The following RBFOX1 variants were observed in gnomAD, a reference collection of about 807,000 sequenced individuals.
RBFOX1 encodes RNA binding protein fox-1 homolog 1.
A neutral mutation model predicts 57.7 loss-of-function variants in RBFOX1; 8 were observed. That is an observed-to-expected ratio of 0.14 (90% CI 0.08 to 0.25). The LOEUF (loss-of-function observed/expected upper bound fraction) is 0.25. Ranked by LOEUF, RBFOX1 falls within the 10% of genes least tolerant of loss-of-function variation. RBFOX1 has a pLI of 1.00. For missense variants in RBFOX1, 611 were observed against 548.5 expected, an observed-to-expected ratio of 1.11 and a Z score of -1.14; for synonymous variants, 326 against 222.4, an observed-to-expected ratio of 1.47 and a Z score of -4.15.
At chr16:6,156,546 G>T (rs763363421) in intron 1 of RBFOX1, among the ~76,000 whole-genome samples, 1 of 152,146 alleles carries the variant, frequency 6.6e-6, no homozygotes, top group Admixed American at 6.5e-5. Context: ...CTTTCTTTTG[G>T]CAAAGTTGTG....
chr16:5,600,140 A>C (rs1291694809), exon 3 of RBFOX1: 2 of 150,708 alleles, frequency 1.3e-5, no homozygotes, highest in East Asian at 3.9e-4. Flanking sequence ...ATACAAAAAA[A>C]AAAAAAAAAA....
At chr16:5,748,568 A>G (rs2053073092) in intron 3 of RBFOX1, among the ~76,000 whole-genome samples, 1 of 152,122 alleles carries the variant, frequency 6.6e-6, no homozygotes, top group Non-Finnish European at 1.5e-5. Context: ...TATTGGGTGC[A>G]TATATATTTA....
intron 3 of RBFOX1, among the ~76,000 whole-genome samples, chr16:5,728,295 C>T (rs959825126): frequency 1.3e-5 from 2 of 152,198 alleles, no homozygotes; most frequent in Admixed American, 1.3e-4. Flanking sequence ...GAAGGAAATC[C>T]TGCCATTTTC....
At chr16:7,683,603 A>G (rs191247341) in intron 14 of RBFOX1, among the ~76,000 whole-genome samples, 1 of 152,248 alleles carries the variant, frequency 6.6e-6, no homozygotes, top group East Asian at 1.9e-4. Context: ...GCCAGTGACA[A>G]GGCAAGGTGT....
intron 3 of RBFOX1, among the ~76,000 whole-genome samples, chr16:6,836,725 A>G (rs116972011): frequency 3.3e-5 from 5 of 152,162 alleles, no homozygotes; most frequent in African/African-American, 7.2e-5. Context: ...ACAATAACAT[A>G]GTTCTTTGCA....
chr16:6,920,517 G>A (rs983611054), intron 3 of RBFOX1, among the ~76,000 whole-genome samples: 2 of 152,174 alleles, frequency 1.3e-5, no homozygotes, highest in African/African-American at 4.8e-5. Context: ...ATTGCCAAGG[G>A]CTACCATAAC....
intron 3 of RBFOX1, among the ~76,000 whole-genome samples, chr16:6,875,423 A>G (rs34164999): frequency 0.22 from 32,881 of 152,082 alleles, 3,867 homozygotes; most frequent in South Asian, 0.41. Context: ...TTCATTTGCA[A>G]TGTGTGGCTT....
chr16:5,890,418 G>T (rs946958933), intron 4 of RBFOX1, among the ~76,000 whole-genome samples: 1 of 152,138 alleles, frequency 6.6e-6, no homozygotes, highest in Non-Finnish European at 1.5e-5. Context: ...AGAAGTGAAG[G>T]CTGGGCGCAG....
At chr16:5,621,019 A>T (rs7191043) in intron 3 of RBFOX1, among the ~76,000 whole-genome samples, 75,387 of 151,886 alleles carry the variant, frequency 0.5, 22,061 homozygotes, top group Non-Finnish European at 0.67. Flanking sequence ...TTTTTGTATT[A>T]TCAGTAGAGG....
intron 1 of RBFOX1, among the ~76,000 whole-genome samples, chr16:5,376,328 G>T (rs28716269): frequency 1.3e-5 from 2 of 152,242 alleles, no homozygotes; most frequent in East Asian, 3.9e-4. Flanking sequence ...TGTTGTTGCT[G>T]TTATTCCTGC....
intron 4 of RBFOX1, among the ~76,000 whole-genome samples, chr16:7,336,214 A>G (rs1192415339): frequency 1.3e-5 from 2 of 152,198 alleles, no homozygotes; most frequent in Non-Finnish European, 2.9e-5. Flanking sequence ...GCCATGGACC[A>G]TGGCCAAATG....
At chr16:7,382,534 G>A (rs190629752) in intron 4 of RBFOX1, among the ~76,000 whole-genome samples, 4 of 152,180 alleles carry the variant, frequency 2.6e-5, no homozygotes, top group African/African-American at 9.7e-5. Flanking sequence ...CAGAGGAAAT[G>A]GCATAACTCA....
intron 6 of RBFOX1, among the ~76,000 whole-genome samples, chr16:7,581,881 T>C (rs1000272303): frequency 3.3e-5 from 5 of 151,972 alleles, no homozygotes; most frequent in African/African-American, 1.2e-4. Flanking sequence ...TGGCTAATTT[T>C]TAAGTATTTT....
intron 4 of RBFOX1, among the ~76,000 whole-genome samples, chr16:7,184,483 T>C (rs915629089): frequency 6.6e-6 from 1 of 152,232 alleles, no homozygotes; most frequent in Non-Finnish European, 1.5e-5. Context: ...TGTTTTTACC[T>C]CCTCTGACAT....
At chr16:6,187,621 C>T (rs2097113428) in intron 1 of RBFOX1, among the ~76,000 whole-genome samples, 1 of 152,114 alleles carries the variant, frequency 6.6e-6, no homozygotes, top group African/African-American at 2.4e-5. Context: ...TCATATTAAT[C>T]CAGGCTGGAG....
At chr16:6,416,408 T>A (rs996666182) in intron 2 of RBFOX1, among the ~76,000 whole-genome samples, 8 of 152,318 alleles carry the variant, frequency 5.3e-5, no homozygotes, top group East Asian at 1.9e-4. Context: ...GCCACAATGA[T>A]GAGCAGGACA....
At chr16:5,747,042 G>T (rs1278149150) in intron 3 of RBFOX1, among the ~76,000 whole-genome samples, 2 of 150,864 alleles carry the variant, frequency 1.3e-5, no homozygotes, top group Non-Finnish European at 3.0e-5. Flanking sequence ...ATGCTTCTAG[G>T]ATGGGAATGC....
rs147916471 is a variant in RBFOX1, at chr16:7,537,279, T to C, written c.270+18890T>C. Among the ~76,000 whole-genome samples the C allele has an allele frequency of 2.6e-4, 40 of 152,302 alleles. No homozygotes were observed. In the East Asian group the frequency reaches 7.7e-3, roughly 29 times the overall value. On this transcript the variant is annotated intron_variant, in intron 5 of 15. Coordinates refer to ENST00000550418, the MANE Select transcript of RBFOX1 (RefSeq NM_018723.4). The stretch of plus-strand genomic sequence containing the variant: ...GAGTCAATATCAAATGACCAAATAA[T>C]CTGCCAGAGCTCTCTGTAATATACA...
chr16:6,267,538 T>C (rs1166231842), intron 1 of RBFOX1, among the ~76,000 whole-genome samples: 1 of 152,190 alleles, frequency 6.6e-6, no homozygotes, highest in Non-Finnish European at 1.5e-5. Flanking sequence ...CAACAGTCCT[T>C]TCTTTAGCAG....
Sources: gnomAD v4.1 joint callset for allele counts (sites outside exome capture counted in the v4.1 genomes callset) on GRCh38, gnomAD v4.1.1 for gene constraint, MANE v1.5 for transcripts, NCBI Gene and HGNC (gene_info 2026-07-23, HGNC 2026-07-21) for gene names.